EXOC4: variants seen among roughly 807,000 people sequenced by gnomAD.
The protein encoded by EXOC4 is exocyst complex component 4.
EXOC4 carries 71 observed loss-of-function variants against 107.2 expected under a neutral mutation model. The ratio of observed to expected loss-of-function variants is 0.66; its 90% CI spans 0.55 to 0.81. EXOC4 has a LOEUF of 0.81. Ranked by LOEUF, EXOC4 falls within the 30% of genes least tolerant of loss-of-function variation. The pLI, the probability that EXOC4 is intolerant of heterozygous loss-of-function variation, is 0.00. For missense variants in EXOC4, 1,108 were observed against 1,189.6 expected (o/e 0.93, Z 1.01); for synonymous variants, 456 against 441.2 (o/e 1.03, Z -0.42).
At chr7:133,916,135 A>G (rs1314411696) in intron 12 of EXOC4, among the ~76,000 whole-genome samples, 1 of 152,236 alleles carries the variant, frequency 6.6e-6, no homozygotes, top group African/African-American at 2.4e-5. Context: ...TCCACCTCAG[A>G]TCATAAGACA....
intron 14 of EXOC4, among the ~76,000 whole-genome samples, chr7:133,942,224 A>G (rs1397111678): frequency 6.6e-6 from 1 of 151,610 alleles, no homozygotes; most frequent in Non-Finnish European, 1.5e-5. Flanking sequence ...TAGAGATTCT[A>G]CAACCTCCTT....
intron 15 of EXOC4, among the ~76,000 whole-genome samples, chr7:133,999,162 A>C (rs1467221717): frequency 6.6e-6 from 1 of 152,168 alleles, no homozygotes; most frequent in Non-Finnish European, 1.5e-5. Context: ...TCTATTCTGT[A>C]TTGCTTTGGA....
chr7:133,301,353 T>C (rs1794637309), intron 3 of EXOC4, among the ~76,000 whole-genome samples: 1 of 152,212 alleles, frequency 6.6e-6, no homozygotes, highest in Non-Finnish European at 1.5e-5. Context: ...GTGTCTTATG[T>C]ATATGTAGGA....
At chr7:133,341,213 A>C (rs1388757232) in intron 5 of EXOC4, among the ~76,000 whole-genome samples, 1 of 152,122 alleles carries the variant, frequency 6.6e-6, no homozygotes. Flanking sequence ...ATATTGCAGA[A>C]GTTTTGATAG....
intron 14 of EXOC4, among the ~76,000 whole-genome samples, chr7:133,962,972 G>A (rs1035890838): frequency 6.6e-6 from 1 of 152,214 alleles, no homozygotes; most frequent in Non-Finnish European, 1.5e-5. Context: ...TAGAACAGAT[G>A]TATTGTGATC....
chr7:133,730,233 G>A (rs1293084970), intron 10 of EXOC4, among the ~76,000 whole-genome samples: 1 of 149,602 alleles, frequency 6.7e-6, no homozygotes, highest in African/African-American at 2.5e-5. Flanking sequence ...TTGTACAAAT[G>A]AGATGATTGG....
At chr7:133,761,908 A>G (rs1436449149) in intron 10 of EXOC4, among the ~76,000 whole-genome samples, 4 of 152,172 alleles carry the variant, frequency 2.6e-5, no homozygotes, top group African/African-American at 7.2e-5. Flanking sequence ...CCCTCCTGAC[A>G]TGAGACTTCA....
intron 14 of EXOC4, among the ~76,000 whole-genome samples, chr7:133,940,835 C>G (rs1358026553): frequency 6.6e-6 from 1 of 150,570 alleles, no homozygotes; most frequent in Non-Finnish European, 1.5e-5. Flanking sequence ...GTTTCCAAGT[C>G]TGGAGACTAG....
downstream of EXOC4, among the ~76,000 whole-genome samples, chr7:134,069,387 G>T (rs1180419261): frequency 6.3e-4 from 53 of 84,730 alleles, no homozygotes; most frequent in Admixed American, 1.7e-3. Flanking sequence ...CTCCTTCTCC[G>T]CCTCTTCTCC....
At chr7:133,267,415 G>A (rs543007850) in intron 1 of EXOC4, among the ~76,000 whole-genome samples, 48 of 152,264 alleles carry the variant, frequency 3.2e-4, no homozygotes, top group African/African-American at 1.1e-3. Flanking sequence ...AACACACCCT[G>A]TTTCAGGGTC....
chr7:133,392,605 G>T (rs147075583), intron 7 of EXOC4, among the ~76,000 whole-genome samples: 197 of 152,244 alleles, frequency 1.3e-3, no homozygotes, highest in Non-Finnish European at 2.5e-3. Context: ...AGGATATTTA[G>T]CAGACTAGGA....
In EXOC4 at chr7:133,595,773, A is replaced by G. The variant is rs372319254; in HGVS notation, c.1418-34272A>G. ...TCTAAAATTTTCACTCCTAGCAACA[A>G]GAAGTTCCTTCCTATACCTCGCACT... is the stretch of plus-strand genomic sequence containing the variant. On this transcript the variant is annotated intron_variant, in intron 9 of 17. Transcript: ENST00000253861. Among the ~76,000 whole-genome samples, 8 of 152,340 alleles carry G rather than the reference A, an allele frequency of 5.3e-5. No individual in the cohort carries two copies. The East Asian group carries it at 1.5e-3, about 29-fold the overall frequency.
rs933431601 is a variant in EXOC4, at chr7:133,316,765, G to A, written c.657-519G>A. On this transcript the variant is annotated intron_variant, in intron 4 of 17. Transcript: ENST00000253861. ...CATTTTAATTGTTGTGATTGTCCAC[G>A]TCATGAAATTTATGAGTCTCTTTTA... Among the ~76,000 whole-genome samples the A allele has an allele frequency of 9.2e-5, 14 of 152,232 alleles. No homozygotes were observed. The East Asian group carries it at 1.5e-3, about 17-fold the overall frequency.
chr7:133,582,022 A>G (rs1001176603), intron 9 of EXOC4, among the ~76,000 whole-genome samples: 1 of 152,036 alleles, frequency 6.6e-6, no homozygotes, highest in African/African-American at 2.4e-5. Context: ...ATCTGCCCCC[A>G]TGATTTAATC....
chr7:133,304,701 A>G (rs879415958), intron 3 of EXOC4, among the ~76,000 whole-genome samples: 6 of 152,186 alleles, frequency 3.9e-5, no homozygotes, highest in East Asian at 3.9e-4. Flanking sequence ...TTGATCACCA[A>G]TGTGTTTCAT....
rs1799234557 is a variant in EXOC4 at position 133,893,393 on chromosome 7, G to C, written c.1735-2206G>C. Among the ~76,000 whole-genome samples the C allele has an allele frequency of 2.5e-5, 2 of 81,460 alleles. 1 individual carries two copies. The allele number at this position is 81,460 out of a possible 152,430, so 53.4% of individuals were successfully genotyped here. ...GACTCTTTATCGAACTTGCCAGTCT[G>C]TGTCTTTTAATTGGAGAATTTAGTC... On this transcript the variant is annotated intron_variant, in intron 11 of 17. Coordinates refer to ENST00000253861, the MANE Select transcript of EXOC4 (RefSeq NM_021807.4).
chr7:133,428,948 G>A (rs566806208), intron 7 of EXOC4, among the ~76,000 whole-genome samples: 1 of 152,248 alleles, frequency 6.6e-6, no homozygotes, highest in Admixed American at 6.5e-5. Context: ...CATATGTGTA[G>A]ATTAGAAAAT....
intron 4 of EXOC4, among the ~76,000 whole-genome samples, chr7:133,308,883 G>A (rs1315762082): frequency 2.0e-5 from 3 of 151,966 alleles, no homozygotes; most frequent in African/African-American, 7.3e-5. Context: ...TTCGTTCCTG[G>A]TGGCTATAGG....
At chr7:133,628,490 A>G (rs1191823429) in intron 9 of EXOC4, among the ~76,000 whole-genome samples, 1 of 152,216 alleles carries the variant, frequency 6.6e-6, no homozygotes. Flanking sequence ...TTTATCAGTC[A>G]GGCGTTATAT....
Sources: gnomAD v4.1 joint callset for allele counts (sites outside exome capture counted in the v4.1 genomes callset) on GRCh38, gnomAD v4.1.1 for gene constraint, MANE v1.5 for transcripts, NCBI Gene and HGNC (gene_info 2026-07-23, HGNC 2026-07-21) for gene names.